DCTN4: variants seen among roughly 807,000 people sequenced by gnomAD.
The protein encoded by DCTN4 is dynactin subunit 4.
DCTN4 carries 23 observed loss-of-function variants against 62.7 expected under a neutral mutation model. The observed-to-expected ratio is 0.37, with a 90% CI of 0.26 to 0.52. The LOEUF (loss-of-function observed/expected upper bound fraction) is 0.52. Among genes scored for constraint, DCTN4 ranks in the 20% least tolerant of loss-of-function variants. DCTN4 has a pLI of 0.92. For missense variants in DCTN4, 514 were observed against 580.4 expected, an observed-to-expected ratio of 0.89 and a Z score of 1.18; for synonymous variants, 199 against 202.1, an observed-to-expected ratio of 0.98 and a Z score of 0.13.
intron 3 of DCTN4, among the ~76,000 whole-genome samples, chr5:150,747,114 C>T (rs1374900071): frequency 6.6e-6 from 1 of 152,036 alleles, no homozygotes; most frequent in Non-Finnish European, 1.5e-5. Flanking sequence ...AATCAATGTA[C>T]AAAAATCACA....
intron 3 of DCTN4, among the ~76,000 whole-genome samples, chr5:150,748,694 A>G (rs1480232400): frequency 6.7e-6 from 1 of 149,584 alleles, no homozygotes; most frequent in Non-Finnish European, 1.5e-5. Flanking sequence ...AGGACAAAAA[A>G]CCAAACACCG....
At chr5:150,715,464 G>C in intron 12 of DCTN4, 101 bp downstream of exon 12, 4 of 852,006 alleles carry the variant, frequency 4.7e-6, no homozygotes, top group Non-Finnish European at 7.2e-6. Flanking sequence ...GAAACAGGAA[G>C]AAAAAAGTTA....
chr5:150,731,871 T>C (rs1054003387), intron 5 of DCTN4: 5 of 1,551,332 alleles, frequency 3.2e-6, no homozygotes, highest in Non-Finnish European at 4.4e-6. Flanking sequence ...GCAAGAATCA[T>C]AAAGGAGAAC....
chr5:150,758,593 C>T (rs957819996), intron 1 of DCTN4: 66 of 1,205,960 alleles, frequency 5.5e-5, no homozygotes, highest in Non-Finnish European at 6.3e-5. Flanking sequence ...TACCAAGCCC[C>T]ATCGCAGACA....
At chr5:150,731,003 G>A (rs376493797) in intron 7 of DCTN4, 41 bp downstream of exon 7, 3 of 1,203,434 alleles carry the variant, frequency 2.5e-6, no homozygotes, top group African/African-American at 3.0e-5. Context: ...AACAGAATTA[G>A]ATGTAGACTA....
intron 3 of DCTN4, among the ~76,000 whole-genome samples, chr5:150,751,320 A>G (rs1752668660): frequency 6.6e-6 from 1 of 152,090 alleles, no homozygotes; most frequent in Non-Finnish European, 1.5e-5. Context: ...CTGTTGAGAT[A>G]CCCTAGAGGA....
At chr5:150,739,307 T>C (rs1158853407) in intron 4 of DCTN4, among the ~76,000 whole-genome samples, 1 of 152,044 alleles carries the variant, frequency 6.6e-6, no homozygotes, top group Admixed American at 6.5e-5. Flanking sequence ...CTCAACCCTG[T>C]TTACAACAGC....
In DCTN4 at chr5:150,758,864, G is replaced by A. The variant is rs779350021; in HGVS notation, c.130C>T (p.His44Tyr). Residue 44 changes from histidine to tyrosine, a missense_variant, in exon 1 of 13, where the codon CAC becomes TAC. His to Tyr is a moderately conservative substitution (Grantham distance 83). Coordinates refer to ENST00000447998, the MANE Select transcript of DCTN4 (RefSeq NM_016221.4). ...CTATAGGGCGACTCTGTTACCTCGT[G>A]AGACACACATTCCAGCGACCGCAGT... ...SELRSLECVS[H>Y]EVDSHYCPSC... 8.1e-6 allele frequency: 13 copies of A among 1,614,006 alleles called. 1 individual carries two copies. The highest frequency in any genetic ancestry group is 6.6e-5 in the South Asian group (6 of 91,080).
At chr5:150,714,900 G>A (rs963811201) in intron 12 of DCTN4, among the ~76,000 whole-genome samples, 1 of 152,088 alleles carries the variant, frequency 6.6e-6, no homozygotes, top group African/African-American at 2.4e-5. Flanking sequence ...TCCACCTAAG[G>A]GGTGGTAGCT....
At chr5:150,737,358 C>A (rs1369638577) in intron 4 of DCTN4, among the ~76,000 whole-genome samples, 1 of 152,042 alleles carries the variant, frequency 6.6e-6, no homozygotes, top group Non-Finnish European at 1.5e-5. Flanking sequence ...ATAGAACATA[C>A]GAGAGGCCAC....
intron 8 of DCTN4, among the ~76,000 whole-genome samples, chr5:150,726,180 C>A (rs956876830): frequency 2.6e-5 from 4 of 152,152 alleles, no homozygotes; most frequent in Non-Finnish European, 4.4e-5. Context: ...TTTGAGAGTT[C>A]CAGTATTTAT....
At chr5:150,749,557 T>C (rs181697149) in intron 3 of DCTN4, among the ~76,000 whole-genome samples, 2 of 152,246 alleles carry the variant, frequency 1.3e-5, no homozygotes, top group Admixed American at 1.3e-4. Context: ...GGTTCATGCT[T>C]TTAATCCCAG....
At chr5:150,731,887 A>G (rs1760384319) in intron 5 of DCTN4, 3 of 1,551,590 alleles carry the variant, frequency 1.9e-6, no homozygotes, top group Admixed American at 3.9e-5. Context: ...AGAACTTACC[A>G]CTACATGAAT....
chr5:150,754,932 C>A (rs1752800444), intron 2 of DCTN4, among the ~76,000 whole-genome samples: 1 of 151,368 alleles, frequency 6.6e-6, no homozygotes, highest in Non-Finnish European at 1.5e-5. Context: ...CACTGCACTT[C>A]AACCTAGGCG....
chr5:150,739,180 C>CAAAA (rs564417540), intron 4 of DCTN4, among the ~76,000 whole-genome samples: 1 of 75,168 alleles, frequency 1.3e-5, no homozygotes. Flanking sequence ...GATTTCATCT[C>CAAAA]AAAAAAAAAA....
At chr5:150,720,628 G>A (rs1385215330) in intron 9 of DCTN4, among the ~76,000 whole-genome samples, 1 of 152,026 alleles carries the variant, frequency 6.6e-6, no homozygotes. Flanking sequence ...ACAGGTGTGT[G>A]CCACCATGCT....
rs763537074 is a variant in DCTN4, at chr5:150,730,705, A to T, written c.760T>A (p.Phe254Ile). Reference protein sequence around the residue: ...TLQQRLLQPDFQPVCASQLYP... With the variant: ...TLQQRLLQPDIQPVCASQLYP... ...AGCTGTGAAGCACAGACTGGCTGGA[A>T]GTCAGGCTGTAACAGACGCTGCTGA... The change falls in exon 8 of 13, where the codon TTC becomes ATC. Residue 254 changes from phenylalanine (F) to isoleucine (I), a missense_variant. Coordinates refer to ENST00000447998, the MANE Select transcript of DCTN4 (RefSeq NM_016221.4). The T allele has an allele frequency of 6.2e-7, 1 of 1,614,136 alleles. No homozygotes were observed. The highest frequency in any genetic ancestry group is 8.5e-7 in the Non-Finnish European group (1 of 1,180,000).
At chr5:150,716,791 C>T (rs966243694) in intron 11 of DCTN4, among the ~76,000 whole-genome samples, 3 of 151,814 alleles carry the variant, frequency 2.0e-5, no homozygotes, top group Non-Finnish European at 2.9e-5. Context: ...TGGTGGCAGG[C>T]GCCTGTAATC....
chr5:150,734,343 A>C (rs1316077913), intron 4 of DCTN4: 1 of 152,250 alleles, frequency 6.6e-6, no homozygotes, highest in Non-Finnish European at 1.5e-5. Flanking sequence ...CTTCAAACAC[A>C]CATCCTCACT....
Sources: gnomAD v4.1 joint callset for allele counts (sites outside exome capture counted in the v4.1 genomes callset) on GRCh38, gnomAD v4.1.1 for gene constraint, MANE v1.5 for transcripts, NCBI Gene and HGNC (gene_info 2026-07-23, HGNC 2026-07-21) for gene names.